ZFHX3: variants seen among roughly 807,000 people sequenced by gnomAD.
The protein encoded by ZFHX3 is zinc finger homeobox 3, also known as zinc finger homeobox protein 3.
A neutral mutation model predicts 279.1 loss-of-function variants in ZFHX3; 42 were observed. The observed-to-expected ratio is 0.15, with a 90% CI of 0.12 to 0.19. The LOEUF is 0.19. ZFHX3 is among the 10% of genes least tolerant of loss of function. The pLI is 1.00. For missense variants in ZFHX3, 4,981 were observed against 4,754.0 expected, an observed-to-expected ratio of 1.05 and a Z score of -1.40; for synonymous variants, 2,293 against 1,957.8, an observed-to-expected ratio of 1.17 and a Z score of -4.52.
intron 3 of ZFHX3, among the ~76,000 whole-genome samples, chr16:73,331,372 A>G (rs945360342): frequency 5.9e-5 from 9 of 152,194 alleles, no homozygotes; most frequent in African/African-American, 2.2e-4. Flanking sequence ...ATTTGTAGAA[A>G]GGGCATCCTG....
chr16:73,236,807 A>G (rs1309133581), intron 5 of ZFHX3, among the ~76,000 whole-genome samples: 1 of 152,210 alleles, frequency 6.6e-6, no homozygotes, highest in Non-Finnish European at 1.5e-5. Flanking sequence ...AGCACTCTTC[A>G]TCTCAAGTGA....
intron 1 of ZFHX3, among the ~76,000 whole-genome samples, chr16:73,783,805 T>A (rs1959550998): frequency 6.6e-6 from 1 of 152,126 alleles, no homozygotes; most frequent in Non-Finnish European, 1.5e-5. Flanking sequence ...AAAACTAAAG[T>A]CAGATGCCCT....
intron 4 of ZFHX3, among the ~76,000 whole-genome samples, chr16:73,295,382 G>T (rs1419962493): frequency 1.3e-5 from 2 of 152,208 alleles, no homozygotes; most frequent in East Asian, 3.9e-4. Context: ...CTTGGTAGTG[G>T]CTGGGCATTT....
chr16:73,835,015 G>A (rs1364394946), intron 1 of ZFHX3, among the ~76,000 whole-genome samples: 10 of 152,230 alleles, frequency 6.6e-5, no homozygotes, highest in Admixed American at 2.0e-4. Context: ...GGAGGAGAGC[G>A]ATGGAGGAAG....
chr16:73,000,037 T>A (rs919613542), intron 1 of ZFHX3, among the ~76,000 whole-genome samples: 3 of 152,220 alleles, frequency 2.0e-5, no homozygotes, highest in Admixed American at 6.5e-5. Flanking sequence ...GGGCTGACAC[T>A]GGGCTTTGTT....
intron 2 of ZFHX3, among the ~76,000 whole-genome samples, chr16:73,546,821 G>A (rs868600579): frequency 2.0e-5 from 3 of 151,838 alleles, no homozygotes; most frequent in East Asian, 1.9e-4. Flanking sequence ...TCACAGTTGG[G>A]GGGTGAGGGG....
intron 4 of ZFHX3, among the ~76,000 whole-genome samples, chr16:73,282,325 T>C (rs750254960): frequency 6.6e-5 from 10 of 152,240 alleles, no homozygotes; most frequent in Non-Finnish European, 1.5e-4. Context: ...AATTTTTCTT[T>C]GTTTTCAAGG....
chr16:72,784,486 C>G lies in ZFHX3; in HGVS notation c.*2678G>C, dbSNP rs1157283635. On this transcript the variant is annotated 3_prime_UTR_variant, in exon 10 of 10. Transcript: ENST00000268489. Reference sequence around the variant, plus strand: ...TCACATAGAGAACCAAAAACAAAAACAATTTTTTTTCTATATGGTACAGAC... The same window carrying G: ...TCACATAGAGAACCAAAAACAAAAAGAATTTTTTTTCTATATGGTACAGAC... 1 of 152,020 alleles carries G rather than the reference C, an allele frequency of 6.6e-6. No individual in the cohort carries two copies. The highest frequency in any genetic ancestry group is 1.9e-4 in the East Asian group (1 of 5,188). 9.4% of individuals were successfully genotyped at this position (152,020 alleles called of 1,614,324 possible). A position where few individuals can be genotyped will look rare whatever the true frequency, so the allele number is the denominator to read the frequency against.
At chr16:73,404,056 A>C (rs2017310202) in intron 3 of ZFHX3, among the ~76,000 whole-genome samples, 1 of 152,170 alleles carries the variant, frequency 6.6e-6, no homozygotes, top group South Asian at 2.1e-4. Context: ...GAGGAAAAAA[A>C]CCAAAAATGC....
Position 73,871,498 on chromosome 16 carries a change from G to A in ZFHX3, c.-1608+20153C>T, listed in dbSNP as rs552710020. 8.0e-4 allele frequency among the ~76,000 whole-genome samples: 121 copies of A among 151,058 alleles called. 1 individual carries two copies. Among genetic ancestry groups the A allele is most frequent in the Middle Eastern group, 6.8e-3 (2 of 292 alleles). On this transcript the variant is annotated intron_variant, in intron 1 of 17. Coordinates refer to the ZFHX3 transcript ENST00000641206. ...TGGGAGGACAATAAAAAAAAAAAGAGAGAGAGAGAGAGAGAGTGTGTGTGC... is the reference window on the plus strand; with the variant it reads ...TGGGAGGACAATAAAAAAAAAAAGAAAGAGAGAGAGAGAGAGTGTGTGTGC...
At chr16:73,749,315 C>T (rs181277239) in intron 1 of ZFHX3, among the ~76,000 whole-genome samples, 22 of 151,506 alleles carry the variant, frequency 1.5e-4, no homozygotes, top group East Asian at 1.4e-3. Flanking sequence ...CCCACTACCC[C>T]GATAATATCG....
intron 3 of ZFHX3, among the ~76,000 whole-genome samples, chr16:73,325,969 G>A (rs980603316): frequency 8.1e-5 from 12 of 148,642 alleles, no homozygotes; most frequent in African/African-American, 3.1e-4. Context: ...GTATACTGAG[G>A]AGGTCAGCTG....
At chr16:72,859,471 G>T (rs982302637) in intron 4 of ZFHX3, among the ~76,000 whole-genome samples, 5 of 152,186 alleles carry the variant, frequency 3.3e-5, no homozygotes, top group African/African-American at 1.2e-4. Flanking sequence ...CTCTTTTACA[G>T]CCATGTTTAA....
At chr16:72,987,104 G>A (rs1459609915) in intron 1 of ZFHX3, among the ~76,000 whole-genome samples, 2 of 152,116 alleles carry the variant, frequency 1.3e-5, no homozygotes, top group Admixed American at 6.6e-5. Flanking sequence ...GTGAGTTGTG[G>A]GAGCTGTGAT....
chr16:73,128,766 GT>G (rs1206973973), intron 7 of ZFHX3, among the ~76,000 whole-genome samples: 1 of 152,088 alleles, frequency 6.6e-6, no homozygotes, highest in Non-Finnish European at 1.5e-5. Flanking sequence ...CCAAATCCTG[GT>G]TGTTTCTGAA....
intron 1 of ZFHX3, among the ~76,000 whole-genome samples, chr16:73,879,702 T>C (rs2030078885): frequency 6.6e-6 from 1 of 152,094 alleles, no homozygotes; most frequent in African/African-American, 2.4e-5. Flanking sequence ...CATGTATAGG[T>C]ATAAGTGTAA....
chr16:73,151,179 T>C (rs7190071), intron 5 of ZFHX3, among the ~76,000 whole-genome samples: 105,687 of 152,016 alleles, frequency 0.7, 37,239 homozygotes, highest in Middle Eastern at 0.8. Context: ...GGCGACCAAA[T>C]CCCCAACTTT....
intron 3 of ZFHX3, among the ~76,000 whole-genome samples, chr16:72,891,702 T>C (rs2144085509): frequency 6.6e-6 from 1 of 152,258 alleles, no homozygotes; most frequent in South Asian, 2.1e-4. Context: ...CCAGCATCCT[T>C]TTGAAGGAGG....
chr16:73,742,836 G>C (rs1309129622), intron 1 of ZFHX3, among the ~76,000 whole-genome samples: 1 of 152,194 alleles, frequency 6.6e-6, no homozygotes, highest in African/African-American at 2.4e-5. Flanking sequence ...CTTTCCATGA[G>C]AATTCATGAT....
Sources: allele counts gnomAD v4.1 joint callset (sites outside exome capture counted in the v4.1 genomes callset), GRCh38; gene constraint gnomAD v4.1.1; transcripts MANE v1.5; gene names NCBI Gene and HGNC (gene_info 2026-07-23, HGNC 2026-07-21).